DPP6: variants seen among roughly 807,000 people sequenced by gnomAD.
DPP6 encodes the protein dipeptidyl peptidase like 6.
A neutral mutation model predicts 122.6 loss-of-function variants in DPP6; 69 were observed. The observed-to-expected ratio is 0.56, with a 90% CI of 0.46 to 0.69. The LOEUF is 0.69. Among genes scored for constraint, DPP6 ranks in the 30% least tolerant of loss-of-function variants. DPP6 has a pLI of 0.00. For missense variants in DPP6, 928 were observed against 1,116.9 expected (o/e 0.83, Z 2.41); for synonymous variants, 418 against 433.1 (o/e 0.97, Z 0.43).
At chr7:154,401,181 G>C (rs1044868993) in intron 1 of DPP6, among the ~76,000 whole-genome samples, 3 of 151,072 alleles carry the variant, frequency 2.0e-5, no homozygotes, top group African/African-American at 7.3e-5. Flanking sequence ...TGGGTGATAG[G>C]GTGAGACTCC....
intron 2 of DPP6, among the ~76,000 whole-genome samples, chr7:154,447,884 A>C (rs1005958495): frequency 2.0e-5 from 3 of 152,214 alleles, no homozygotes; most frequent in African/African-American, 7.2e-5. Context: ...ATTTCCTGAC[A>C]AAAGACTCAA....
chr7:154,162,570 G>A (rs1158575420), intron 1 of DPP6, among the ~76,000 whole-genome samples: 3 of 152,168 alleles, frequency 2.0e-5, no homozygotes, highest in Admixed American at 6.5e-5. Flanking sequence ...CAGCAGGTAC[G>A]GAGTCAAACT....
chr7:154,803,755 G>A (rs916405285), intron 13 of DPP6, 109 bp from the exon 14 acceptor site: 3 of 1,463,066 alleles, frequency 2.1e-6, no homozygotes, highest in African/African-American at 2.8e-5. Context: ...TTCCCACAGA[G>A]AGAATGGCAG....
chr7:154,482,287 T>C (rs1029713025), intron 3 of DPP6, among the ~76,000 whole-genome samples: 1 of 151,414 alleles, frequency 6.6e-6, no homozygotes, highest in African/African-American at 2.4e-5. Context: ...ACAGGCTCTG[T>C]GGCAATGAAG....
intron 1 of DPP6, among the ~76,000 whole-genome samples, chr7:154,147,554 A>G (rs1458899678): frequency 1.3e-5 from 2 of 151,230 alleles, no homozygotes. Context: ...ATCTCAGCTC[A>G]CTGCAACCTC....
At chr7:154,296,201 C>T (rs1051477833) in intron 1 of DPP6, among the ~76,000 whole-genome samples, 13 of 152,050 alleles carry the variant, frequency 8.5e-5, no homozygotes, top group Non-Finnish European at 1.6e-4. Flanking sequence ...GCCTCGGCCT[C>T]GCAAAGTGCT....
chr7:153,994,446 TGTTA>T (rs1563083719), intron 1 of DPP6, among the ~76,000 whole-genome samples: 1 of 151,796 alleles, frequency 6.6e-6, no homozygotes, highest in Non-Finnish European at 1.5e-5. Flanking sequence ...TTAAATTGGT[TGTTA>T]GTTCTTTTCT....
intron 1 of DPP6, among the ~76,000 whole-genome samples, chr7:154,408,789 G>C (rs762682703): frequency 6.7e-6 from 1 of 149,246 alleles, no homozygotes; most frequent in South Asian, 2.1e-4. Flanking sequence ...TTCTGACCTT[G>C]AATCATTTAT....
intron 1 of DPP6, among the ~76,000 whole-genome samples, chr7:154,170,043 T>A (rs1274658651): frequency 3.9e-5 from 6 of 152,116 alleles, no homozygotes; most frequent in Non-Finnish European, 8.8e-5. Flanking sequence ...TTATCAGAGT[T>A]ACAGTGGGAG....
the DPP6 span, among the ~76,000 whole-genome samples, chr7:153,790,128 G>A: frequency 6.6e-6 from 1 of 151,966 alleles, no homozygotes; most frequent in African/African-American, 2.4e-5. Context: ...AATAAATGAG[G>A]TAATAAAAAC....
intron 1 of DPP6, among the ~76,000 whole-genome samples, chr7:154,386,624 C>T (rs748412738): frequency 2.0e-5 from 3 of 152,194 alleles, no homozygotes; most frequent in East Asian, 3.9e-4. Flanking sequence ...GAGGATCCAA[C>T]AGGAAGGCAA....
At chr7:154,392,310 T>C (rs965654270) in intron 1 of DPP6, among the ~76,000 whole-genome samples, 1 of 152,230 alleles carries the variant, frequency 6.6e-6, no homozygotes, top group African/African-American at 2.4e-5. Flanking sequence ...TTTTAATAGA[T>C]ATTCAACTAA....
At chr7:154,190,514 A>G (rs1477733630) in intron 1 of DPP6, among the ~76,000 whole-genome samples, 1 of 152,216 alleles carries the variant, frequency 6.6e-6, no homozygotes, top group African/African-American at 2.4e-5. Flanking sequence ...GTCAGTTAAA[A>G]GGTACTTAAG....
intron 16 of DPP6, among the ~76,000 whole-genome samples, chr7:154,835,983 G>A (rs761477775): frequency 1.3e-5 from 2 of 152,188 alleles, no homozygotes; most frequent in Non-Finnish European, 2.9e-5. Flanking sequence ...ATTTTAAAGC[G>A]GTTTGTGTCC....
chr7:154,452,459 C>T (rs1024791029), intron 2 of DPP6, among the ~76,000 whole-genome samples: 5 of 152,196 alleles, frequency 3.3e-5, no homozygotes, highest in Non-Finnish European at 7.3e-5. Flanking sequence ...TGTTTGCACA[C>T]AGTGTTGAGT....
At chr7:154,781,180 AGATGGATG>A (rs1334959935) in intron 10 of DPP6, among the ~76,000 whole-genome samples, 2 of 152,068 alleles carry the variant, frequency 1.3e-5, no homozygotes, top group Middle Eastern at 6.8e-3. Context: ...AATGAACAGT[AGATGGATG>A]GATGGATGGA....
At chr7:154,480,019 G>T in intron 3 of DPP6, among the ~76,000 whole-genome samples, 1 of 123,300 alleles carries the variant, frequency 8.1e-6, no homozygotes, top group South Asian at 2.8e-4. Flanking sequence ...CTCCCACCCC[G>T]CCCCTGCCCC....
intron 3 of DPP6, among the ~76,000 whole-genome samples, chr7:154,516,895 G>A (rs1826560825): frequency 1.3e-5 from 2 of 152,132 alleles, no homozygotes; most frequent in South Asian, 4.1e-4. Flanking sequence ...CACGGACCAA[G>A]GCACCAGAAT....
intron 4 of DPP6, among the ~76,000 whole-genome samples, chr7:154,560,798 G>A (rs1057229460): frequency 9.9e-5 from 15 of 151,350 alleles, no homozygotes; most frequent in Non-Finnish European, 1.9e-4. Flanking sequence ...CAGGACAATC[G>A]CTTGAACCCA....
Sources: allele counts gnomAD v4.1 joint callset (sites outside exome capture counted in the v4.1 genomes callset), GRCh38; gene constraint gnomAD v4.1.1; transcripts MANE v1.5; gene names NCBI Gene and HGNC (gene_info 2026-07-23, HGNC 2026-07-21).